KLHL6: variants seen among roughly 807,000 people sequenced by gnomAD.
The protein encoded by KLHL6 is kelch like family member 6.
Under a neutral mutation model 58.6 loss-of-function variants are expected in KLHL6, and 41 were observed. The observed-to-expected ratio is 0.70, with a 90% CI of 0.55 to 0.91. The LOEUF (loss-of-function observed/expected upper bound fraction) is 0.91. Among genes scored for constraint, KLHL6 ranks in the 40% least tolerant of loss-of-function variants. The pLI, the probability that KLHL6 is intolerant of heterozygous loss-of-function variation, is 0.00. For synonymous variants in KLHL6, 338 were observed against 322.7 expected (o/e 1.05, Z -0.51); for missense variants, 714 against 805.6 (o/e 0.89, Z 1.38).
chr3:183,538,118 C>G (rs1712425212), intron 1 of KLHL6, among the ~76,000 whole-genome samples: 1 of 152,154 alleles, frequency 6.6e-6, no homozygotes, highest in South Asian at 2.1e-4. Flanking sequence ...CTAGGGAACT[C>G]CTATCACACT....
chr3:183,521,956 A>G (rs1711777315), intron 2 of KLHL6, among the ~76,000 whole-genome samples: 1 of 149,522 alleles, frequency 6.7e-6, no homozygotes, highest in African/African-American at 2.5e-5. Flanking sequence ...CCACCTCCCA[A>G]AGTGCTGGGA....
In KLHL6 at chr3:183,494,223, A is replaced by C; in HGVS notation, c.1206T>G (p.Ile402Met). ...WKYNSSINKW[I>M]QIEYLNIGRW... ...GGCCTATGTTTAAATACTCAATCTG[A>C]ATCCACTTGTTGATCGAAGAATTAT... is the stretch of plus-strand genomic sequence containing the variant. The change falls in exon 5 of 7, where the codon ATT (isoleucine) becomes ATG (methionine). Residue 402 changes from isoleucine to methionine, a missense_variant. This residue lies in a region of KLHL6 where 510 missense variants were observed against 629.7 expected (regional missense o/e 0.81). Coordinates refer to ENST00000341319, the MANE Select transcript of KLHL6 (RefSeq NM_130446.4). The C allele has an allele frequency of 6.2e-7, 1 of 1,614,082 alleles. No homozygotes were observed. The highest frequency in any genetic ancestry group is 8.5e-7 in the Non-Finnish European group (1 of 1,179,958).
At chr3:183,536,522 C>T (rs1712372180) in intron 1 of KLHL6, among the ~76,000 whole-genome samples, 1 of 152,216 alleles carries the variant, frequency 6.6e-6, no homozygotes, top group Admixed American at 6.5e-5. Flanking sequence ...TCTAGTCTGA[C>T]CTCTGATGCT....
rs1290327740 is a variant in KLHL6, at chr3:183,499,884, G to A, written c.910-57C>T. 1.5e-6 allele frequency: 2 copies of A among 1,368,622 alleles called. No homozygotes were observed. Among genetic ancestry groups the A allele is most frequent in the Non-Finnish European group, 2.0e-6 (2 of 1,008,974 alleles). 84.8% of individuals were successfully genotyped at this position (1,368,622 alleles called of 1,614,324 possible). A position where few individuals can be genotyped will look rare whatever the true frequency, so the allele number is the denominator to read the frequency against. On this transcript the variant is annotated intron_variant, in intron 3 of 6. Coordinates refer to ENST00000341319, the MANE Select transcript of KLHL6 (RefSeq NM_130446.4). The surrounding 1 kb of genome is among the most constrained non-coding windows in gnomAD (Gnocchi z 4.6). The stretch of plus-strand genomic sequence containing the variant: ...GACAACACAAAGTTTCAGAGCTCGG[G>A]CTATGGAGCCATTAGGAGTCGGGTC...
chr3:183,535,736 G>A lies in KLHL6; in HGVS notation c.294-7726C>T, dbSNP rs144700133. On this transcript the variant is annotated intron_variant, in intron 1 of 6. Transcript: ENST00000341319. ...ATGTGACATATTATTGGGCTCTCTA[G>A]GGTCATCTGGACTCTTAATTGGGCT... Among the ~76,000 whole-genome samples the A allele has an allele frequency of 3.9e-5, 6 of 152,280 alleles. No homozygotes were observed. In the East Asian group the frequency reaches 1.2e-3, roughly 29 times the overall value.
intron 1 of KLHL6, among the ~76,000 whole-genome samples, chr3:183,532,463 C>G (rs1230577460): frequency 6.6e-6 from 1 of 152,234 alleles, no homozygotes; most frequent in African/African-American, 2.4e-5. Flanking sequence ...TGTATCCACC[C>G]CAGACCCTTG....
chr3:183,503,611 C>G (rs1173139270), intron 3 of KLHL6, among the ~76,000 whole-genome samples: 2 of 152,122 alleles, frequency 1.3e-5, no homozygotes, highest in African/African-American at 4.8e-5. Context: ...GGAACCCCGT[C>G]TCTATTAAAA....
chr3:183,509,049 ACT>A (rs1336036561), intron 2 of KLHL6, among the ~76,000 whole-genome samples: 1 of 152,186 alleles, frequency 6.6e-6, no homozygotes, highest in Non-Finnish European at 1.5e-5. Context: ...ATTGTGGAAA[ACT>A]CTACTGAACA....
In KLHL6 at chr3:183,499,779, C is replaced by T; in HGVS notation, c.958G>A (p.Val320Met). ...GTGCAGCCGCCAATGATCATGAACA[C>T]CTCAGACTGGAACTCATGCATCCTG... ...KPRMHEFQSE[V>M]FMIIGGCTKD... Residue 320 changes from valine (V) to methionine (M), a missense_variant, in exon 4 of 7, where the codon GTG becomes ATG. Val to Met is a conservative substitution (Grantham distance 21). Transcript: ENST00000341319. The surrounding 1 kb of genome is among the most constrained non-coding windows in gnomAD (Gnocchi z 4.6). 1.2e-6 allele frequency: 2 copies of T among 1,606,678 alleles called. No individual in the cohort carries two copies. The highest frequency in any genetic ancestry group is 1.7e-6 in the Non-Finnish European group (2 of 1,176,726).
chr3:183,492,264 C>T lies in KLHL6; in HGVS notation c.1565-36G>A. On this transcript the variant is annotated intron_variant, in intron 6 of 6. Transcript: ENST00000341319. The surrounding 1 kb of genome is among the most constrained non-coding windows in gnomAD (Gnocchi z 5.9). ...GGAGGAAACACGGTGGGCATCGCTC[C>T]ATTTTTCTGGTTTCTTCCCTCTTAA... 6.5e-7 allele frequency: 1 copy of T among 1,528,650 alleles called. No homozygotes were observed. Among genetic ancestry groups the T allele is most frequent in the Non-Finnish European group, 8.8e-7 (1 of 1,133,298 alleles). The allele number at this position is 1,528,650 out of a possible 1,614,324, so 94.7% of individuals were successfully genotyped here. A position where few individuals can be genotyped will look rare whatever the true frequency, so the allele number is the denominator to read the frequency against.
chr3:183,497,050 G>A (rs1485114112), intron 4 of KLHL6, among the ~76,000 whole-genome samples: 5 of 151,588 alleles, frequency 3.3e-5, no homozygotes, highest in Admixed American at 1.3e-4. Flanking sequence ...AGACCGAAGC[G>A]GGCGGATCAC....
intron 1 of KLHL6, among the ~76,000 whole-genome samples, chr3:183,538,363 A>G (rs76377105): frequency 7.3e-5 from 11 of 151,668 alleles, no homozygotes; most frequent in African/African-American, 2.7e-4. Flanking sequence ...TATCACTCCC[A>G]CTATCTCACT....
chr3:183,544,183 A>G (rs1353269394), intron 1 of KLHL6, among the ~76,000 whole-genome samples: 2 of 151,716 alleles, frequency 1.3e-5, no homozygotes, highest in Non-Finnish European at 2.9e-5. Flanking sequence ...AAAAAAAAAA[A>G]AAAAGCCATA....
chr3:183,542,286 G>A (rs73190810), intron 1 of KLHL6, among the ~76,000 whole-genome samples: 5,630 of 152,176 alleles, frequency 0.037, 140 homozygotes, highest in Non-Finnish European at 0.057. Context: ...ACTCTTCCAC[G>A]GCTTCCCACT....
chr3:183,537,338 G>A (rs144661802), intron 1 of KLHL6, among the ~76,000 whole-genome samples: 13 of 152,272 alleles, frequency 8.5e-5, no homozygotes, highest in Middle Eastern at 3.4e-3. Flanking sequence ...CAGTGTCAGC[G>A]CTCAATGGAC....
chr3:183,502,281 A>G (rs1381460896), intron 3 of KLHL6, among the ~76,000 whole-genome samples: 2 of 148,726 alleles, frequency 1.3e-5, no homozygotes, highest in Non-Finnish European at 3.0e-5. Flanking sequence ...CAGCCTGGGC[A>G]ACAAGAGCGA....
At position 183,491,867 on chromosome 3, in the gene KLHL6, G is replaced by T. The variant is rs1223667415; in HGVS notation, c.*60C>A. ...CTGCCTGAAGTGGGACTGGAGGAGGGTGAGAGGTGAGGCGGGTACGCTGAG... is the reference window on the plus strand; with the variant it reads ...CTGCCTGAAGTGGGACTGGAGGAGGTTGAGAGGTGAGGCGGGTACGCTGAG... On this transcript the variant is annotated 3_prime_UTR_variant, in exon 7 of 7. Coordinates refer to ENST00000341319, the MANE Select transcript of KLHL6 (RefSeq NM_130446.4). 2 of 1,392,556 alleles carry T rather than the reference G, an allele frequency of 1.4e-6. No homozygotes were observed. The highest frequency in any genetic ancestry group is 2.9e-5 in the African/African-American group (2 of 68,538). 86.3% of individuals were successfully genotyped at this position (1,392,556 alleles called of 1,614,324 possible). A position where few individuals can be genotyped will look rare whatever the true frequency, so the allele number is the denominator to read the frequency against.
At chr3:183,536,376 T>C (rs76235124) in intron 1 of KLHL6, among the ~76,000 whole-genome samples, 2,187 of 152,294 alleles carry the variant, frequency 0.014, 46 homozygotes, top group African/African-American at 0.05. Context: ...CAGGAGTAGG[T>C]AAATTCTCCA....
intron 1 of KLHL6, among the ~76,000 whole-genome samples, chr3:183,547,017 T>C (rs1010914367): frequency 1.4e-4 from 21 of 151,566 alleles, no homozygotes; most frequent in African/African-American, 5.1e-4. Context: ...GTTCAATCGA[T>C]TCTCCGGCCT....
Sources: allele counts gnomAD v4.1 joint callset (sites outside exome capture counted in the v4.1 genomes callset), GRCh38; gene constraint gnomAD v4.1.1; regional missense constraint gnomAD v4.1.1; non-coding constraint Gnocchi (gnomAD v3.1); transcripts MANE v1.5; gene names NCBI Gene and HGNC (gene_info 2026-07-23, HGNC 2026-07-21).